The following LAMA5 variants were observed in gnomAD, a reference collection of about 807,000 sequenced individuals.
LAMA5 encodes laminin subunit alpha 5, also known as laminin subunit alpha-5.
Under a neutral mutation model 433.4 loss-of-function variants are expected in LAMA5, and 260 were observed. That is an observed-to-expected ratio of 0.60 (90% CI 0.54 to 0.66). The LOEUF (loss-of-function observed/expected upper bound fraction) is 0.66, where lower values mean the gene tolerates loss of function less well. Among genes scored for constraint, LAMA5 ranks in the 30% least tolerant of loss-of-function variants. The pLI is 0.00. For missense variants in LAMA5, 5,378 were observed against 5,258.5 expected (o/e 1.02, Z -0.70); for synonymous variants, 2,620 against 2,226.6 (o/e 1.18, Z -4.97).
rs779987644 is a variant in LAMA5 at position 62,311,251 on chromosome 20, G to A, written c.9999C>T (p.His3333=). ...ARHPACMLPP[H]LRTTRDSYQF... is the part of the protein sequence containing the mutation. ...GGTAGGAGTCTCGGGTGGTCCTGAG[G>A]TGTGGGGGCAGCATGCAGGCAGGAT... Residue 3333 remains histidine (H), a synonymous_variant, in exon 73 of 80, where the codon CAC becomes CAT. Transcript: ENST00000252999. 6.2e-7 allele frequency: 1 copy of A among 1,607,620 alleles called. No homozygotes were observed. Among genetic ancestry groups the A allele is most frequent in the Admixed American group, 1.7e-5 (1 of 58,468 alleles).
chr20:62,324,358 A>C lies in LAMA5; in HGVS notation c.5643+83T>G, dbSNP rs965212849. On this transcript the variant is annotated intron_variant, in intron 42 of 79. Coordinates refer to ENST00000252999, the MANE Select transcript of LAMA5 (RefSeq NM_005560.6). The surrounding 1 kb of genome is among the most constrained non-coding windows in gnomAD (Gnocchi z 4.4). Reference sequence around the variant, plus strand: ...TTCCCCAGACCTCAGTTGACCTGGAAGTGCAGCCCCTGGTCTTCCCTGGCA... The same window carrying C: ...TTCCCCAGACCTCAGTTGACCTGGACGTGCAGCCCCTGGTCTTCCCTGGCA... 4.1e-5 allele frequency: 58 copies of C among 1,424,714 alleles called. No homozygotes were observed. The African/African-American group carries it at 7.5e-4, about 18-fold the overall frequency. 88.3% of individuals were successfully genotyped at this position (1,424,714 alleles called of 1,614,324 possible). A position where few individuals can be genotyped will look rare whatever the true frequency, so the allele number is the denominator to read the frequency against.
chr20:62,334,003 C>G lies in LAMA5; in HGVS notation c.2776G>C (p.Asp926His), dbSNP rs540247856. 101 of 1,612,970 alleles carry G rather than the reference C, an allele frequency of 6.3e-5. No individual in the cohort carries two copies. Among genetic ancestry groups the G allele is most frequent in the Middle Eastern group, 1.7e-4 (1 of 6,056 alleles). Reference sequence around the variant, plus strand: ...TATCGGAAGACGAGCCAGAAAAGGTCAGGGGAGGTCAGGTTCAGCCTGGCC... The same window carrying G: ...TATCGGAAGACGAGCCAGAAAAGGTGAGGGGAGGTCAGGTTCAGCCTGGCC... Reference protein sequence around the residue: ...IVARLNLTSPDLFWLVFRYVN... With the variant: ...IVARLNLTSPHLFWLVFRYVN... The change falls in exon 23 of 80, where the codon GAC becomes CAC. Residue 926 changes from aspartate (D) to histidine (H), a missense_variant. Physicochemically the swap from Asp to His is moderately conservative, Grantham distance 81 (BLOSUM62 -1). Transcript: ENST00000252999.
intron 2 of LAMA5, among the ~76,000 whole-genome samples, chr20:62,360,024 C>G (rs114028932): frequency 6.6e-6 from 1 of 150,760 alleles, no homozygotes. Flanking sequence ...CGGACCCACC[C>G]GCCGCTCAGC....
chr20:62,315,410 C>G (rs1658264344), intron 58 of LAMA5, among the ~76,000 whole-genome samples: 1 of 152,110 alleles, frequency 6.6e-6, no homozygotes, highest in Non-Finnish European at 1.5e-5. Flanking sequence ...GGACAGGCAC[C>G]CAGCCTCTCA....
intron 63 of LAMA5, 93 bp downstream of exon 63, chr20:62,313,556 G>C: frequency 6.4e-7 from 1 of 1,563,922 alleles, no homozygotes. Context: ...ACGGACTGAG[G>C]CAAGATACCA....
chr20:62,332,062 A>G (rs537615988), intron 28 of LAMA5, among the ~76,000 whole-genome samples: 12 of 152,020 alleles, frequency 7.9e-5, no homozygotes, highest in East Asian at 1.9e-4. Context: ...AAAAAAAAAA[A>G]AAAAGAAAAG....
At position 62,314,668 on chromosome 20, in the gene LAMA5, C is replaced by T. The variant is rs139460887; in HGVS notation, c.8254G>A (p.Asp2752Asn). ...GTGTAGGCAGCAAGGTCGGCAAGAT[C>T]CCGTGGGGTGCGCAGCTGCACCCCT... is the stretch of plus-strand genomic sequence containing the variant. Reference protein sequence around the residue: ...RSGVQLRTPRDLADLAAYTAL... With the variant: ...RSGVQLRTPRNLADLAAYTAL... Residue 2752 changes from aspartate (D) to asparagine (N), a missense_variant, in exon 61 of 80, where the codon GAT becomes AAT. Coordinates refer to ENST00000252999, the MANE Select transcript of LAMA5 (RefSeq NM_005560.6). The T allele has an allele frequency of 6.8e-6, 11 of 1,612,668 alleles. No individual in the cohort carries two copies. In the East Asian group the frequency reaches 1.8e-4, roughly 26 times the overall value.
At chr20:62,337,760 G>A (rs1407700786) in intron 15 of LAMA5, 33 bp from the exon 16 acceptor site, 4 of 1,608,222 alleles carry the variant, frequency 2.5e-6, no homozygotes, top group African/African-American at 1.3e-5. Context: ...GCACGCAGTG[G>A]AGACTGCACC....
chr20:62,363,016 C>T (rs899234836), intron 1 of LAMA5, among the ~76,000 whole-genome samples: 2 of 152,130 alleles, frequency 1.3e-5, no homozygotes, highest in African/African-American at 2.4e-5. Context: ...AGCATGGCTA[C>T]CCCTCCCTGC....
intron 1 of LAMA5, among the ~76,000 whole-genome samples, chr20:62,365,803 G>A (rs6142741): frequency 2.0e-5 from 3 of 152,282 alleles, no homozygotes; most frequent in East Asian, 3.9e-4. Flanking sequence ...GTGGGCTTGA[G>A]ACCTCCTATC....
chr20:62,312,936 C>CT lies in LAMA5; in HGVS notation c.9029dup (p.Ala3011GlyfsTer46). 1 of 1,580,904 alleles carries CT rather than the reference C, an allele frequency of 6.3e-7. No individual in the cohort carries two copies. The highest frequency in any genetic ancestry group is 8.6e-7 in the Non-Finnish European group (1 of 1,161,390). On this transcript the variant is annotated frameshift_variant, in exon 66 of 80. Coordinates refer to ENST00000252999, the MANE Select transcript of LAMA5 (RefSeq NM_005560.6). LOFTEE classifies it high-confidence loss of function. ...GCGGTGGGGGCTGCAGTGGGACGGCCTTTTTCAGGCCAGCCCCAAAGTCAT... is the reference window on the plus strand; with the variant it reads ...GCGGTGGGGGCTGCAGTGGGACGGCCTTTTTTCAGGCCAGCCCCAAAGTCAT...
chr20:62,317,831 G>C, intron 53 of LAMA5, 53 bp from the exon 54 acceptor site: 4 of 1,026,364 alleles, frequency 3.9e-6, no homozygotes, highest in Non-Finnish European at 5.5e-6. Context: ...AAAGAATAAA[G>C]GATGTGATGG....
chr20:62,325,550 T>G lies in LAMA5; in HGVS notation c.5299-4A>C. On this transcript the variant is annotated splice_region_variant and splice_polypyrimidine_tract_variant and intron_variant, in intron 40 of 79. Coordinates refer to ENST00000252999, the MANE Select transcript of LAMA5 (RefSeq NM_005560.6). ...TCTCCGTATGCCGGAAGTTCCCCTG[T>G]GGGTCCAGGATGGCACCTCAGTGGG... The G allele has an allele frequency of 6.3e-7, 1 of 1,598,060 alleles. No individual in the cohort carries two copies. Among genetic ancestry groups the G allele is most frequent in the South Asian group, 1.1e-5 (1 of 89,298 alleles).
At chr20:62,365,504 TG>T (rs903417014) in intron 1 of LAMA5, among the ~76,000 whole-genome samples, 2 of 151,938 alleles carry the variant, frequency 1.3e-5, no homozygotes, top group African/African-American at 2.4e-5. Context: ...GGGCAGGCTG[TG>T]GGGGGGTGGT....
intron 11 of LAMA5, chr20:62,345,492 G>T: frequency 2.2e-6 from 1 of 447,492 alleles, no homozygotes; most frequent in Non-Finnish European, 4.2e-6. Context: ...CTGCAGCTTC[G>T]GCCTTCCAGG....
At chr20:62,344,743 C>T (rs539727928) in intron 11 of LAMA5, among the ~76,000 whole-genome samples, 1 of 151,934 alleles carries the variant, frequency 6.6e-6, no homozygotes, top group East Asian at 1.9e-4. Flanking sequence ...GCCACTGTGC[C>T]CGGCCAGTTT....
Position 62,330,792 on chromosome 20 carries a change from G to T in LAMA5, c.3803C>A (p.Pro1268His), listed in dbSNP as rs757961244. Residue 1268 changes from proline (P) to histidine (H), a missense_variant, in exon 30 of 80, where the codon CCC becomes CAC. By Grantham distance (77) the Pro-to-His change is moderately conservative. Coordinates refer to ENST00000252999, the MANE Select transcript of LAMA5 (RefSeq NM_005560.6). ...CTCTGCATCAGGGTCCACAGCGGTGGGGGGCCGAGGTCGGGGTCCAGCTGG... is the reference window on the plus strand; with the variant it reads ...CTCTGCATCAGGGTCCACAGCGGTGTGGGGCCGAGGTCGGGGTCCAGCTGG... ...MSPAGPRPRP[P>H]TAVDPDAEPT... 6.4e-7 allele frequency: 1 copy of T among 1,561,278 alleles called. No homozygotes were observed. Among genetic ancestry groups the T allele is most frequent in the Non-Finnish European group, 8.7e-7 (1 of 1,154,024 alleles).
At position 62,333,418 on chromosome 20, in the gene LAMA5, C is replaced by T; in HGVS notation, c.3085G>A (p.Glu1029Lys). Residue 1029 changes from glutamate (E) to lysine (K), a missense_variant, in exon 25 of 80, where the codon GAG (glutamate) becomes AAG (lysine). By Grantham distance (56) the Glu-to-Lys change is moderately conservative. Coordinates refer to ENST00000252999, the MANE Select transcript of LAMA5 (RefSeq NM_005560.6). ...EAALLQLRVT[E>K]ACTYRPSAQQ... ...GCAGAGGGACGGTATGTGCAGGCCT[C>T]AGTCACCCGCAGCTGCAGGAGCGCC... 1 of 1,612,784 alleles carries T rather than the reference C, an allele frequency of 6.2e-7. No individual in the cohort carries two copies. Among genetic ancestry groups the T allele is most frequent in the Non-Finnish European group, 8.5e-7 (1 of 1,179,900 alleles).
In LAMA5 at chr20:62,326,682, C is replaced by A. The variant is rs199881951; in HGVS notation, c.5293G>T (p.Val1765Leu). The A allele has an allele frequency of 6.2e-7, 1 of 1,611,968 alleles. No individual in the cohort carries two copies. Among genetic ancestry groups the A allele is most frequent in the Admixed American group, 1.7e-5 (1 of 59,980 alleles). ...GHVHRGQLQL[V>L]EGNFRHTETR... ...CCCAAGCCAGCTCCCCTCACCTCCA[C>A]CAGCTGCAGCTGCCCACGGTGAACG... is the stretch of plus-strand genomic sequence containing the variant. The change falls in exon 40 of 80, where the codon GTG (valine) becomes TTG (leucine). Residue 1765 changes from valine (V) to leucine (L), a missense_variant. Val to Leu is a conservative substitution (Grantham distance 32). Transcript: ENST00000252999.
Sources: gnomAD v4.1 joint callset for allele counts (sites outside exome capture counted in the v4.1 genomes callset) on GRCh38, gnomAD v4.1.1 for gene constraint, Gnocchi (gnomAD v3.1) non-coding constraint, MANE v1.5 for transcripts, NCBI Gene and HGNC (gene_info 2026-07-23, HGNC 2026-07-21) for gene names.